The following SCAPER variants were observed in gnomAD, a reference collection of about 807,000 sequenced individuals.
The protein encoded by SCAPER is S phase cyclin A-associated protein in the endoplasmic reticulum.
In SCAPER, 98 loss-of-function variants were observed where a neutral mutation model predicts 182.2. The observed-to-expected ratio is 0.54, with a 90% confidence interval of 0.46 to 0.64. The LOEUF is 0.64. Among genes scored for constraint, SCAPER ranks in the 30% least tolerant of loss-of-function variants. The pLI is 0.00. For synonymous variants in SCAPER, 605 were observed against 564.6 expected, an observed-to-expected ratio of 1.07 and a Z score of -1.01; for missense variants, 1,432 against 1,690.0, an observed-to-expected ratio of 0.85 and a Z score of 2.68.
intron 23 of SCAPER, among the ~76,000 whole-genome samples, chr15:76,516,874 G>A (rs1418279339): frequency 6.6e-6 from 1 of 152,148 alleles, no homozygotes; most frequent in Non-Finnish European, 1.5e-5. Flanking sequence ...GAGGGCTACT[G>A]AGAGCAACAT....
At chr15:76,569,148 T>A (rs1357106893) in intron 23 of SCAPER, among the ~76,000 whole-genome samples, 3 of 152,148 alleles carry the variant, frequency 2.0e-5, no homozygotes, top group Non-Finnish European at 4.4e-5. Context: ...GGGAAAATTT[T>A]CAACATTTCA....
At chr15:76,433,453 A>T (rs1222268281) in intron 26 of SCAPER, among the ~76,000 whole-genome samples, 2 of 152,162 alleles carry the variant, frequency 1.3e-5, no homozygotes, top group Non-Finnish European at 2.9e-5. Flanking sequence ...GGTTGCTGTG[A>T]GCCAAGGTTG....
At chr15:76,448,137 A>G (rs1001832962) in intron 25 of SCAPER, among the ~76,000 whole-genome samples, 8 of 152,160 alleles carry the variant, frequency 5.3e-5, no homozygotes, top group African/African-American at 1.2e-4. Flanking sequence ...TGAGGGGTTT[A>G]GCTCTCAATT....
chr15:76,886,321 A>C (rs2073837586), intron 1 of SCAPER, among the ~76,000 whole-genome samples: 2 of 152,110 alleles, frequency 1.3e-5, no homozygotes, highest in Non-Finnish European at 2.9e-5. Flanking sequence ...CTCTACTAAA[A>C]ATACAAAAAT....
At chr15:76,475,427 A>T (rs1596867592) in intron 24 of SCAPER, among the ~76,000 whole-genome samples, 1 of 152,058 alleles carries the variant, frequency 6.6e-6, no homozygotes, top group Middle Eastern at 3.4e-3. Flanking sequence ...CTTGGGTTCA[A>T]GCTATTCTCC....
chr15:76,350,962 A>G lies in SCAPER; in HGVS notation c.4099+275T>C, dbSNP rs539582734. The stretch of plus-strand genomic sequence containing the variant: ...AGCGGCTCTTTAGTAATTATTTACC[A>G]TTTAATATATCTTGCATGAGATGAT... On this transcript the variant is annotated intron_variant, in intron 31 of 31. Coordinates refer to ENST00000563290, the MANE Select transcript of SCAPER (RefSeq NM_020843.4). The G allele has an allele frequency of 1.4e-4, 40 of 293,546 alleles. No homozygotes were observed. The South Asian group carries it at 3.6e-3, about 26-fold the overall frequency. The allele number at this position is 293,546 out of a possible 1,614,324, so 18.2% of individuals were successfully genotyped here.
At chr15:76,900,290 A>T (rs1398631106) in intron 1 of SCAPER, among the ~76,000 whole-genome samples, 2 of 148,098 alleles carry the variant, frequency 1.4e-5, no homozygotes, top group Admixed American at 6.9e-5. Flanking sequence ...TTATCCTATG[A>T]CCCTGCCACA....
At chr15:76,496,408 T>C (rs949042405) in intron 24 of SCAPER, among the ~76,000 whole-genome samples, 4 of 152,152 alleles carry the variant, frequency 2.6e-5, no homozygotes, top group Non-Finnish European at 4.4e-5. Flanking sequence ...TAAGTCCCCC[T>C]AGAAAGTAAC....
intron 30 of SCAPER, among the ~76,000 whole-genome samples, chr15:76,351,857 A>C (rs1596260419): frequency 6.6e-6 from 1 of 152,182 alleles, no homozygotes; most frequent in African/African-American, 2.4e-5. Context: ...TTATAGAAAA[A>C]CACTTGATTT....
At chr15:76,720,908 G>C (rs1598361587) in intron 17 of SCAPER, among the ~76,000 whole-genome samples, 1 of 152,120 alleles carries the variant, frequency 6.6e-6, no homozygotes, top group East Asian at 1.9e-4. Flanking sequence ...TTCTTTTGCT[G>C]TGCAGAAGGT....
chr15:76,498,761 GC>G (rs1419181926), intron 24 of SCAPER, among the ~76,000 whole-genome samples: 4 of 152,162 alleles, frequency 2.6e-5, no homozygotes, highest in Non-Finnish European at 5.9e-5. Context: ...ATGCAATATT[GC>G]CAAGTAAAGT....
intron 5 of SCAPER, among the ~76,000 whole-genome samples, chr15:76,807,969 G>A (rs138763196): frequency 7.1e-4 from 108 of 152,050 alleles, no homozygotes; most frequent in African/African-American, 2.3e-3. Flanking sequence ...CACAAATAGC[G>A]TCCCAACTTC....
intron 23 of SCAPER, among the ~76,000 whole-genome samples, chr15:76,537,455 G>C (rs926353536): frequency 6.6e-5 from 10 of 152,076 alleles, no homozygotes; most frequent in East Asian, 5.8e-4. Flanking sequence ...CTGAGAAAAA[G>C]AAGCAATGGG....
At chr15:76,635,907 TC>T (rs1314371958) in intron 21 of SCAPER, among the ~76,000 whole-genome samples, 1 of 152,188 alleles carries the variant, frequency 6.6e-6, no homozygotes, top group Admixed American at 6.5e-5. Context: ...TTGGAATAAA[TC>T]CCATTTGGTG....
At chr15:76,523,257 G>A (rs1346020634) in intron 23 of SCAPER, among the ~76,000 whole-genome samples, 1 of 152,020 alleles carries the variant, frequency 6.6e-6, no homozygotes, top group Admixed American at 6.6e-5. Flanking sequence ...AATAATAGAT[G>A]AGAAATATAT....
At chr15:76,870,209 A>C (rs1474606967) in intron 2 of SCAPER, among the ~76,000 whole-genome samples, 1 of 152,166 alleles carries the variant, frequency 6.6e-6, no homozygotes, top group African/African-American at 2.4e-5. Flanking sequence ...TATAGTTATA[A>C]TACTTTATTA....
At chr15:76,791,558 C>G (rs148352686) in intron 8 of SCAPER, among the ~76,000 whole-genome samples, 1 of 151,588 alleles carries the variant, frequency 6.6e-6, no homozygotes, top group African/African-American at 2.4e-5. Context: ...ACTGGAACTT[C>G]GGGGCAAAAA....
At chr15:76,554,014 T>C (rs895225539) in intron 23 of SCAPER, among the ~76,000 whole-genome samples, 1 of 152,098 alleles carries the variant, frequency 6.6e-6, no homozygotes. Flanking sequence ...GAATTCAGAA[T>C]GTAGACAGGA....
chr15:76,401,328 C>T (rs2044440739), intron 27 of SCAPER, among the ~76,000 whole-genome samples: 2 of 152,142 alleles, frequency 1.3e-5, no homozygotes, highest in Non-Finnish European at 2.9e-5. Context: ...CCCCCCACAT[C>T]ATGAAACCCT....
Sources: allele counts gnomAD v4.1 joint callset (sites outside exome capture counted in the v4.1 genomes callset), GRCh38; gene constraint gnomAD v4.1.1; transcripts MANE v1.5; gene names NCBI Gene and HGNC (gene_info 2026-07-23, HGNC 2026-07-21).